Variants in HEPHL1 observed in about 807,000 individuals in gnomAD.
HEPHL1 encodes hephaestin like 1.
HEPHL1 carries 123 observed loss-of-function variants against 122.0 expected under a neutral mutation model. The observed-to-expected ratio is 1.01, with a 90% confidence interval of 0.87 to 1.17. HEPHL1 has a LOEUF of 1.17. Ranked by LOEUF, HEPHL1 falls within the 50% of genes most tolerant of loss-of-function variation. The pLI, the probability that HEPHL1 is intolerant of heterozygous loss-of-function variation, is 0.00. For missense variants in HEPHL1, 1,452 were observed against 1,430.5 expected, an observed-to-expected ratio of 1.01 and a Z score of -0.24; for synonymous variants, 527 against 508.9, an observed-to-expected ratio of 1.04 and a Z score of -0.48.
intron 17 of HEPHL1, 64 bp from the exon 18 acceptor site, chr11:94,110,839 T>G: frequency 7.4e-7 from 1 of 1,358,812 alleles, no homozygotes; most frequent in Non-Finnish European, 1.0e-6. Context: ...TTGCTCTTCT[T>G]TCTGTTCTTG....
intron 1 of HEPHL1, among the ~76,000 whole-genome samples, chr11:94,022,758 T>A (rs1945592797): frequency 6.6e-6 from 1 of 152,218 alleles, no homozygotes; most frequent in Non-Finnish European, 1.5e-5. Context: ...GTGTCTTTAC[T>A]GTGATGAATA....
chr11:94,023,457 T>G (rs1395653170), intron 1 of HEPHL1, among the ~76,000 whole-genome samples: 1 of 152,194 alleles, frequency 6.6e-6, no homozygotes, highest in Non-Finnish European at 1.5e-5. Context: ...CAATGCTGTT[T>G]TCACAAAGTG....
chr11:94,108,465 T>C (rs1946425040), intron 17 of HEPHL1, among the ~76,000 whole-genome samples: 1 of 152,082 alleles, frequency 6.6e-6, no homozygotes, highest in African/African-American at 2.4e-5. Context: ...TTTGGTGTCA[T>C]GTATAAAAAA....
At chr11:94,081,732 C>T (rs1946171768) in intron 9 of HEPHL1, among the ~76,000 whole-genome samples, 1 of 151,962 alleles carries the variant, frequency 6.6e-6, no homozygotes, top group African/African-American at 2.4e-5. Flanking sequence ...GAGAGGAATC[C>T]AAAGTGTTCC....
In HEPHL1 at chr11:94,067,850, G is replaced by A. The variant is rs1012235678; in HGVS notation, c.1063+100G>A. 11 of 929,202 alleles carry A rather than the reference G, an allele frequency of 1.2e-5. 1 individual carries two copies. Among genetic ancestry groups the A allele is most frequent in the Non-Finnish European group, 1.8e-5 (11 of 614,680 alleles). The allele number at this position is 929,202 out of a possible 1,614,324, so 57.6% of individuals were successfully genotyped here. A position where few individuals can be genotyped will look rare whatever the true frequency, so the allele number is the denominator to read the frequency against. On this transcript the variant is annotated intron_variant, in intron 5 of 19. Coordinates refer to ENST00000315765, the MANE Select transcript of HEPHL1 (RefSeq NM_001098672.2). ...AGTACCTACTGTTAGATAGAGCCTT[G>A]TATGTACTATATTTAATTAGGTAAT...
intron 14 of HEPHL1, among the ~76,000 whole-genome samples, chr11:94,102,366 AG>A (rs765116623): frequency 5.0e-4 from 76 of 152,358 alleles, no homozygotes; most frequent in Middle Eastern, 3.4e-3. Flanking sequence ...AGGAAGTCAT[AG>A]GGTTGAGATT....
intron 1 of HEPHL1, among the ~76,000 whole-genome samples, chr11:94,033,998 A>C (rs1565344564): frequency 6.6e-6 from 1 of 152,206 alleles, no homozygotes; most frequent in Non-Finnish European, 1.5e-5. Flanking sequence ...AAGACCACTG[A>C]GGCCCAGGAA....
chr11:94,087,215 G>A (rs903205084), intron 11 of HEPHL1, among the ~76,000 whole-genome samples: 1 of 151,622 alleles, frequency 6.6e-6, no homozygotes, highest in Non-Finnish European at 1.5e-5. Context: ...TTTTTAATAC[G>A]CTCTTCAAGA....
chr11:94,035,847 C>T (rs1407347222), intron 1 of HEPHL1, among the ~76,000 whole-genome samples: 1 of 152,226 alleles, frequency 6.6e-6, no homozygotes, highest in Non-Finnish European at 1.5e-5. Flanking sequence ...CGCCATTCTC[C>T]TGACTCAGCC....
At chr11:94,045,260 A>T (rs576142828) in intron 1 of HEPHL1, among the ~76,000 whole-genome samples, 1 of 152,234 alleles carries the variant, frequency 6.6e-6, no homozygotes, top group Non-Finnish European at 1.5e-5. Context: ...TGTATCAATC[A>T]TTCACTTGAC....
At chr11:94,025,348 T>C (rs914896649) in intron 1 of HEPHL1, among the ~76,000 whole-genome samples, 1 of 152,174 alleles carries the variant, frequency 6.6e-6, no homozygotes, top group African/African-American at 2.4e-5. Context: ...AGTATTTTGA[T>C]CTATTTATAC....
rs1321381009 is a variant in HEPHL1 at position 94,072,927 on chromosome 11, G to A, written c.1233-98G>A. Reference sequence around the variant, plus strand: ...GCTGTCTTTTCTGGGGACATGGGTGGGCGAGTGGACTAAAAGTGATAGAAT... The same window carrying A: ...GCTGTCTTTTCTGGGGACATGGGTGAGCGAGTGGACTAAAAGTGATAGAAT... On this transcript the variant is annotated intron_variant, in intron 6 of 19. Coordinates refer to ENST00000315765, the MANE Select transcript of HEPHL1 (RefSeq NM_001098672.2). 7 of 1,114,866 alleles carry A rather than the reference G, an allele frequency of 6.3e-6. No individual in the cohort carries two copies. In the East Asian group the frequency reaches 1.5e-4, roughly 24 times the overall value. 69.1% of individuals were successfully genotyped at this position (1,114,866 alleles called of 1,614,324 possible).
chr11:94,046,317 C>T (rs993436616), intron 2 of HEPHL1, among the ~76,000 whole-genome samples: 9 of 151,284 alleles, frequency 5.9e-5, no homozygotes, highest in African/African-American at 1.7e-4. Flanking sequence ...AAGCTGGTCT[C>T]AACCTCCTGA....
At chr11:94,092,946 T>C (rs2134445713) in intron 12 of HEPHL1, among the ~76,000 whole-genome samples, 1 of 152,270 alleles carries the variant, frequency 6.6e-6, no homozygotes, top group Non-Finnish European at 1.5e-5. Context: ...GAATAACAAG[T>C]ATCAACTGTA....
At chr11:94,085,443 C>G (rs1259362910) in intron 10 of HEPHL1, among the ~76,000 whole-genome samples, 1 of 152,202 alleles carries the variant, frequency 6.6e-6, no homozygotes, top group Admixed American at 6.5e-5. Context: ...AAAAAACAAT[C>G]CTTCTCCACT....
chr11:94,023,922 G>A (rs1363086232), intron 1 of HEPHL1, among the ~76,000 whole-genome samples: 1 of 152,204 alleles, frequency 6.6e-6, no homozygotes, highest in Non-Finnish European at 1.5e-5. Context: ...GTCGTAGGTG[G>A]CTGACATTGC....
In HEPHL1 at chr11:94,043,353, A is replaced by C. The variant is rs111507361; in HGVS notation, c.171-2320A>C. Among the ~76,000 whole-genome samples the C allele has an allele frequency of 5.6e-3, 847 of 152,248 alleles. 7 individuals carry two copies. Among genetic ancestry groups the C allele is most frequent in the African/African-American group, 0.02 (813 of 41,540 alleles). ...GTACACAAGAAAGAGATCCTTCACA[A>C]GTCCCTGGATTTTCTCAGATTTAAC... On this transcript the variant is annotated intron_variant, in intron 1 of 19. Transcript: ENST00000315765.
At chr11:94,106,550 C>T (rs1472102516) in intron 17 of HEPHL1, among the ~76,000 whole-genome samples, 3 of 152,098 alleles carry the variant, frequency 2.0e-5, no homozygotes, top group African/African-American at 4.8e-5. Flanking sequence ...CCGCCTCGGC[C>T]TCCCACAGTG....
At chr11:94,084,899 A>C (rs1014923646) in intron 10 of HEPHL1, among the ~76,000 whole-genome samples, 3 of 152,236 alleles carry the variant, frequency 2.0e-5, no homozygotes, top group Non-Finnish European at 2.9e-5. Context: ...CAGACACAGA[A>C]ATATTAGGAT....
Sources: gnomAD v4.1 joint callset for allele counts (sites outside exome capture counted in the v4.1 genomes callset) on GRCh38, gnomAD v4.1.1 for gene constraint, MANE v1.5 for transcripts, NCBI Gene and HGNC (gene_info 2026-07-23, HGNC 2026-07-21) for gene names.